SPMIP7: variants seen among roughly 807,000 people sequenced by gnomAD.
SPMIP7 encodes sperm microtubule inner protein 7, also known as protein SPMIP7.
At chr7:50,101,105 G>C in the SPMIP7 span, among the ~76,000 whole-genome samples, 2 of 152,218 alleles carry the variant, frequency 1.3e-5, no homozygotes, top group Non-Finnish European at 2.9e-5. Context: ...CCCTGTTCCT[G>C]TGTGTGCCTG....
the SPMIP7 span, among the ~76,000 whole-genome samples, chr7:50,102,299 G>C: frequency 6.6e-6 from 1 of 152,142 alleles, no homozygotes; most frequent in Non-Finnish European, 1.5e-5. Context: ...ACTCCAGCCT[G>C]GGCAACAGGG....
chr7:50,100,286 G>A, the SPMIP7 span, among the ~76,000 whole-genome samples: 1 of 152,210 alleles, frequency 6.6e-6, no homozygotes, highest in Non-Finnish European at 1.5e-5. Flanking sequence ...ACTGCACCAG[G>A]GGCAGGGAAT....
the SPMIP7 span, among the ~76,000 whole-genome samples, chr7:50,154,931 C>T: frequency 0.015 from 2,275 of 152,242 alleles, 63 homozygotes; most frequent in African/African-American, 0.052. Context: ...GTTTGTATTT[C>T]CCCGATGAGC....
At chr7:50,114,192 G>A in the SPMIP7 span, among the ~76,000 whole-genome samples, 1 of 152,028 alleles carries the variant, frequency 6.6e-6, no homozygotes, top group Non-Finnish European at 1.5e-5. Context: ...GAAAATTCAA[G>A]TTCACACAAT....
the SPMIP7 span, among the ~76,000 whole-genome samples, chr7:50,129,289 G>T: frequency 1.3e-5 from 2 of 151,896 alleles, no homozygotes; most frequent in Non-Finnish European, 2.9e-5. Flanking sequence ...AACCATTAAA[G>T]ATAATAATGA....
At chr7:50,125,077 C>T in the SPMIP7 span, among the ~76,000 whole-genome samples, 9 of 116,780 alleles carry the variant, frequency 7.7e-5, no homozygotes, top group African/African-American at 1.1e-4. Context: ...CCAGCCTAGG[C>T]GACAGAGTGA....
chr7:50,104,107 A>AT, the SPMIP7 span, among the ~76,000 whole-genome samples: 1 of 152,344 alleles, frequency 6.6e-6, no homozygotes, highest in East Asian at 1.9e-4. Context: ...ATAACAAGTG[A>AT]TTCTGCACTA....
the SPMIP7 span, chr7:50,104,354 T>C: frequency 6.5e-7 from 1 of 1,542,984 alleles, no homozygotes; most frequent in Non-Finnish European, 8.8e-7. Flanking sequence ...TACAACCTCA[T>C]CATGAAGGAC....
the SPMIP7 span, among the ~76,000 whole-genome samples, chr7:50,149,096 G>C: frequency 6.6e-6 from 1 of 151,974 alleles, no homozygotes; most frequent in Non-Finnish European, 1.5e-5. Flanking sequence ...AGTGAGCCGA[G>C]ATTGTGCCAC....
the SPMIP7 span, among the ~76,000 whole-genome samples, chr7:50,116,531 A>C: frequency 1.3e-5 from 2 of 152,256 alleles, no homozygotes; most frequent in Non-Finnish European, 2.9e-5. Flanking sequence ...TTGAGTAATA[A>C]ATTTATGAAA....
chr7:50,135,720 A>G, the SPMIP7 span, among the ~76,000 whole-genome samples: 1 of 152,178 alleles, frequency 6.6e-6, no homozygotes, highest in Non-Finnish European at 1.5e-5. Context: ...AAAGCTTAGG[A>G]TCTAGGCTCG....
the SPMIP7 span, among the ~76,000 whole-genome samples, chr7:50,103,866 A>G: frequency 6.6e-6 from 1 of 152,216 alleles, no homozygotes; most frequent in Non-Finnish European, 1.5e-5. Context: ...CCTCAAAACC[A>G]GGGGCCCTGT....
chr7:50,100,837 A>AAATAAATAAATAAATAAATAAATG, the SPMIP7 span, among the ~76,000 whole-genome samples: 1 of 151,246 alleles, frequency 6.6e-6, no homozygotes, highest in Non-Finnish European at 1.5e-5. Context: ...ATAAATAAAT[A>AAATAAATAAATAAATAAATAAATG]AATAAATATG....
the SPMIP7 span, among the ~76,000 whole-genome samples, chr7:50,100,905 A>T: frequency 6.6e-6 from 1 of 152,090 alleles, no homozygotes; most frequent in Non-Finnish European, 1.5e-5. Context: ...ATGATTTCTT[A>T]TCTGATCCTT....
the SPMIP7 span, among the ~76,000 whole-genome samples, chr7:50,145,616 G>GTATATA: frequency 1.7e-3 from 45 of 26,928 alleles, no homozygotes; most frequent in East Asian, 3.0e-3. Flanking sequence ...GTATATGTGT[G>GTATATA]TGTATATATA....
At chr7:50,106,306 T>G in the SPMIP7 span, among the ~76,000 whole-genome samples, 1 of 152,194 alleles carries the variant, frequency 6.6e-6, no homozygotes, top group Non-Finnish European at 1.5e-5. Context: ...CTTTTGGTGG[T>G]CTCATAGAAG....
At chr7:50,144,395 G>A in the SPMIP7 span, among the ~76,000 whole-genome samples, 1 of 152,152 alleles carries the variant, frequency 6.6e-6, no homozygotes, top group Non-Finnish European at 1.5e-5. Flanking sequence ...TGGATAGGTG[G>A]AGTGTATGTG....
chr7:50,124,931 T>C, the SPMIP7 span, among the ~76,000 whole-genome samples: 5 of 151,652 alleles, frequency 3.3e-5, no homozygotes, highest in Non-Finnish European at 5.9e-5. Context: ...AAACCCTGTC[T>C]CTACTAAAAA....
the SPMIP7 span, among the ~76,000 whole-genome samples, chr7:50,103,591 T>C: frequency 6.6e-6 from 1 of 152,204 alleles, no homozygotes; most frequent in Admixed American, 6.5e-5. Flanking sequence ...AGGACTACCA[T>C]TGCACATACT....
Sources: allele counts gnomAD v4.1 joint callset (sites outside exome capture counted in the v4.1 genomes callset), GRCh38; gene constraint gnomAD v4.1.1; transcripts MANE v1.5; gene names NCBI Gene and HGNC (gene_info 2026-07-23, HGNC 2026-07-21).